The following LRRC4C variants were observed in gnomAD, a reference collection of about 807,000 sequenced individuals.
LRRC4C encodes leucine-rich repeat-containing protein 4C.
A neutral mutation model predicts 33.6 loss-of-function variants in LRRC4C; 5 were observed. The ratio of observed to expected loss-of-function variants is 0.15; its 90% CI spans 0.08 to 0.31. The LOEUF (loss-of-function observed/expected upper bound fraction) is 0.31, where lower values mean the gene tolerates loss of function less well. LRRC4C is among the 10% of genes least tolerant of loss of function. The pLI is 1.00. For missense variants in LRRC4C, 560 were observed against 796.7 expected (o/e 0.70, Z 3.58); for synonymous variants, 329 against 302.0 (o/e 1.09, Z -0.93).
intron 1 of LRRC4C, among the ~76,000 whole-genome samples, chr11:41,037,600 A>ACACACACACACG (rs1482014856): frequency 1.3e-5 from 2 of 149,060 alleles, no homozygotes; most frequent in East Asian, 2.0e-4. Flanking sequence ...ACACACACAC[A>ACACACACACACG]CACGCACTAA....
At chr11:40,244,591 G>T (rs2136122348) in intron 4 of LRRC4C, among the ~76,000 whole-genome samples, 1 of 152,208 alleles carries the variant, frequency 6.6e-6, no homozygotes, top group African/African-American at 2.4e-5. Context: ...TCCCTTCAAA[G>T]TCATCCACAC....
At chr11:41,331,772 G>A (rs1054666690) in intron 1 of LRRC4C, among the ~76,000 whole-genome samples, 1 of 152,048 alleles carries the variant, frequency 6.6e-6, no homozygotes, top group Non-Finnish European at 1.5e-5. Flanking sequence ...CCTAAATATT[G>A]GGCACTGACA....
At chr11:40,252,363 C>T (rs945793483) in intron 4 of LRRC4C, among the ~76,000 whole-genome samples, 1 of 151,778 alleles carries the variant, frequency 6.6e-6, no homozygotes. Flanking sequence ...CACACATACA[C>T]CCCCCTAACA....
At chr11:41,378,750 C>T (rs1465753955) in intron 1 of LRRC4C, among the ~76,000 whole-genome samples, 1 of 152,070 alleles carries the variant, frequency 6.6e-6, no homozygotes, top group Non-Finnish European at 1.5e-5. Context: ...TTGTTGTAAA[C>T]ATAACTAGTC....
Position 40,114,300 on chromosome 11 carries a change from G to A in LRRC4C, c.*70C>T. On this transcript the variant is annotated 3_prime_UTR_variant, in exon 7 of 7. Transcript: ENST00000528697. The stretch of plus-strand genomic sequence containing the variant: ...TTTTTGAAACAGTAGATTTAGCCCA[G>A]TCATTTGTGTCATTTTTAATAAACT... 6.9e-7 allele frequency: 1 copy of A among 1,443,126 alleles called. No homozygotes were observed. The allele number at this position is 1,443,126 out of a possible 1,614,324, so 89.4% of individuals were successfully genotyped here.
chr11:41,164,234 C>T (rs1219516038), intron 1 of LRRC4C, among the ~76,000 whole-genome samples: 1 of 140,538 alleles, frequency 7.1e-6, no homozygotes, highest in Non-Finnish European at 1.5e-5. Context: ...AACTAAGACA[C>T]TACACATACA....
chr11:40,270,588 T>A (rs1396985753), intron 4 of LRRC4C, among the ~76,000 whole-genome samples: 1 of 152,068 alleles, frequency 6.6e-6, no homozygotes, highest in Non-Finnish European at 1.5e-5. Context: ...CACTCTCTTC[T>A]TCTTTCTTTG....
intron 2 of LRRC4C, among the ~76,000 whole-genome samples, chr11:40,769,582 T>C (rs1949651918): frequency 6.6e-6 from 1 of 152,088 alleles, no homozygotes; most frequent in South Asian, 2.1e-4. Context: ...AAAAATTATA[T>C]TACAGAGCTA....
At chr11:41,085,248 T>G (rs926878859) in intron 1 of LRRC4C, among the ~76,000 whole-genome samples, 1 of 152,204 alleles carries the variant, frequency 6.6e-6, no homozygotes, top group Non-Finnish European at 1.5e-5. Context: ...CATTGATAAA[T>G]ATTTGGAGCA....
At chr11:40,766,868 G>A (rs1211739889) in intron 2 of LRRC4C, among the ~76,000 whole-genome samples, 1 of 151,154 alleles carries the variant, frequency 6.6e-6, no homozygotes, top group Admixed American at 6.6e-5. Flanking sequence ...GAGGGAAGGG[G>A]AGGGAAGGAG....
chr11:40,238,958 T>A lies in LRRC4C; in HGVS notation c.-96+2561A>T, dbSNP rs564569542. On this transcript the variant is annotated intron_variant, in intron 5 of 6. Coordinates refer to ENST00000528697, the MANE Select transcript of LRRC4C (RefSeq NM_001258419.2). ...TTATCCATTATCGGTAACAGTCCCA[T>A]ACAAGACCTAGGGTATAAGCTGAAT... is the stretch of plus-strand genomic sequence containing the variant. Among the ~76,000 whole-genome samples, 356 of 152,258 alleles carry A rather than the reference T, an allele frequency of 2.3e-3. 2 individuals are homozygous for A. Among genetic ancestry groups the A allele is most frequent in the African/African-American group, 8.4e-3 (348 of 41,558 alleles).
chr11:40,642,051 A>G (rs1329508855), intron 3 of LRRC4C, among the ~76,000 whole-genome samples: 2 of 143,448 alleles, frequency 1.4e-5, no homozygotes, highest in Admixed American at 7.0e-5. Flanking sequence ...CATTGTAATC[A>G]TTTTGTTTTT....
At chr11:40,814,652 C>T (rs376049486) in intron 2 of LRRC4C, among the ~76,000 whole-genome samples, 141 of 151,688 alleles carry the variant, frequency 9.3e-4, no homozygotes, top group Non-Finnish European at 1.4e-3. Context: ...ATTTTTCAGA[C>T]TTTTATGCTC....
chr11:40,304,604 C>A (rs1022459134), intron 4 of LRRC4C, among the ~76,000 whole-genome samples: 1 of 152,108 alleles, frequency 6.6e-6, no homozygotes, highest in Non-Finnish European at 1.5e-5. Flanking sequence ...ACAAGAAAGT[C>A]TAGTGAAAGA....
At chr11:41,053,062 C>A (rs1858360406) in intron 1 of LRRC4C, among the ~76,000 whole-genome samples, 1 of 152,158 alleles carries the variant, frequency 6.6e-6, no homozygotes, top group Admixed American at 6.5e-5. Context: ...TAGGCAAGAG[C>A]CATTGATTCC....
rs1221140042 is a variant in LRRC4C, at chr11:40,991,497, T to C, written c.-495-57774A>G. ...ATCTGGGAGTGACTGTTGGTGGTAG[T>C]GGTTTCAGAATGATTCAAGCACATT... On this transcript the variant is annotated intron_variant, in intron 1 of 6. Coordinates refer to ENST00000528697, the MANE Select transcript of LRRC4C (RefSeq NM_001258419.2). 3.3e-5 allele frequency among the ~76,000 whole-genome samples: 5 copies of C among 152,164 alleles called. 1 individual carries two copies. Among genetic ancestry groups the C allele is most frequent in the Admixed American group, 2.0e-4 (3 of 15,278 alleles).
chr11:40,294,876 G>C (rs1310406722), intron 4 of LRRC4C, among the ~76,000 whole-genome samples: 2 of 151,974 alleles, frequency 1.3e-5, no homozygotes, highest in Non-Finnish European at 2.9e-5. Context: ...AGGCTCATCA[G>C]AAAGAATCCA....
Position 40,911,248 on chromosome 11 carries a change from C to T in LRRC4C, c.-407+22387G>A, listed in dbSNP as rs1266918223. ...GATCTGAGAATGTACAGACTGCGTCCTCAAGAGGGTCCCTGAACCCCGAGT... is the reference window on the plus strand; with the variant it reads ...GATCTGAGAATGTACAGACTGCGTCTTCAAGAGGGTCCCTGAACCCCGAGT... On this transcript the variant is annotated intron_variant, in intron 2 of 6. Coordinates refer to ENST00000528697, the MANE Select transcript of LRRC4C (RefSeq NM_001258419.2). Among the ~76,000 whole-genome samples the T allele has an allele frequency of 3.3e-5, 5 of 152,190 alleles. No homozygotes were observed. The East Asian group carries it at 9.7e-4, about 29-fold the overall frequency.
intron 2 of LRRC4C, among the ~76,000 whole-genome samples, chr11:40,671,991 T>C (rs918122715): frequency 3.3e-5 from 5 of 152,226 alleles, no homozygotes; most frequent in Admixed American, 1.3e-4. Context: ...TCAGTGACTA[T>C]GTCCTGGGTC....
Sources: allele counts gnomAD v4.1 joint callset (sites outside exome capture counted in the v4.1 genomes callset), GRCh38; gene constraint gnomAD v4.1.1; transcripts MANE v1.5; gene names NCBI Gene and HGNC (gene_info 2026-07-23, HGNC 2026-07-21).